The following ZNF383 variants were observed in gnomAD, a reference collection of about 807,000 sequenced individuals.
ZNF383 encodes the protein zinc finger protein 383.
ZNF383 carries 32 observed loss-of-function variants against 44.2 expected under a neutral mutation model. The observed-to-expected ratio is 0.72, with a 90% CI of 0.55 to 0.97. The LOEUF (loss-of-function observed/expected upper bound fraction) is 0.97, where lower values mean the gene tolerates loss of function less well. Ranked by LOEUF, ZNF383 falls within the 50% of genes least tolerant of loss-of-function variation. The pLI is 0.00. For missense variants in ZNF383, 487 were observed against 562.5 expected (o/e 0.87, Z 1.36); for synonymous variants, 155 against 186.2 (o/e 0.83, Z 1.36).
intron 2 of ZNF383, among the ~76,000 whole-genome samples, chr19:37,229,374 G>A (rs1026696718): frequency 6.7e-6 from 1 of 149,002 alleles, no homozygotes; most frequent in Non-Finnish European, 1.5e-5. Context: ...GATCAGGCTG[G>A]TCTCGAACTC....
intron 2 of ZNF383, among the ~76,000 whole-genome samples, chr19:37,229,880 T>C (rs1446065627): frequency 6.9e-6 from 1 of 145,118 alleles, no homozygotes; most frequent in Non-Finnish European, 1.5e-5. Context: ...TGGATGCGGG[T>C]GTTGTGTGTG....
rs1387987046 is a variant in ZNF383 at position 37,243,082 on chromosome 19, T to C, written c.846T>C (p.Tyr282=). The change falls in exon 6 of 6, where the codon TAT becomes TAC. Residue 282 remains tyrosine, a synonymous_variant. Transcript: ENST00000684119. ...HQRIHTGEKP[Y]ECKVCGKAFT... is the part of the protein sequence containing the mutation. ...GAATTCACACTGGTGAAAAACCTTA[T>C]GAATGTAAAGTATGTGGGAAAGCCT... is the stretch of plus-strand genomic sequence containing the variant. 2 of 1,614,094 alleles carry C rather than the reference T, an allele frequency of 1.2e-6. No homozygotes were observed. Among genetic ancestry groups the C allele is most frequent in the Admixed American group, 1.7e-5 (1 of 60,004 alleles).
chr19:37,242,055 T>TATATTATCTATACTATATATAGTATAG (rs1555784686), intron 5 of ZNF383, among the ~76,000 whole-genome samples: 2 of 66,796 alleles, frequency 3.0e-5, no homozygotes, highest in Non-Finnish European at 5.6e-5. Flanking sequence ...AGATACTATA[T>TATATTATCTATACTATATATAGTATAG]ATACTATATA....
rs1169216375 is a variant in ZNF383 at position 37,238,194 on chromosome 19, G to C, written c.232+2120G>C. ...TCTTAATACTATCACATTGGCAACAGCTGAATTTTGAAGGAGAGACATTCA... is the reference window on the plus strand; with the variant it reads ...TCTTAATACTATCACATTGGCAACACCTGAATTTTGAAGGAGAGACATTCA... On this transcript the variant is annotated intron_variant, in intron 5 of 5. Transcript: ENST00000684119. 2.0e-5 allele frequency among the ~76,000 whole-genome samples: 3 copies of C among 151,882 alleles called. No homozygotes were observed. The East Asian group carries it at 5.8e-4, about 29-fold the overall frequency.
intron 2 of ZNF383, among the ~76,000 whole-genome samples, chr19:37,228,453 C>A (rs1973291854): frequency 6.6e-6 from 1 of 151,098 alleles, no homozygotes. Flanking sequence ...TTTAGTATAA[C>A]TATTTTTATT....
At chr19:37,232,533 A>G (rs1003219663) in intron 3 of ZNF383, among the ~76,000 whole-genome samples, 2 of 152,218 alleles carry the variant, frequency 1.3e-5, no homozygotes, top group Non-Finnish European at 2.9e-5. Flanking sequence ...TAGGATGCAC[A>G]TCGTATCTGG....
chr19:37,236,954 A>AAAAC (rs1973833591), intron 5 of ZNF383, among the ~76,000 whole-genome samples: 1 of 146,758 alleles, frequency 6.8e-6, no homozygotes. Flanking sequence ...CACACATGTG[A>AAAAC]ACACACACAC....
At chr19:37,218,693 G>A (rs1018388041) in intron 1 of ZNF383, among the ~76,000 whole-genome samples, 4 of 152,132 alleles carry the variant, frequency 2.6e-5, no homozygotes, top group African/African-American at 9.7e-5. Context: ...TGTACTGGAT[G>A]CCTTACTGAG....
Position 37,243,715 on chromosome 19 carries a change from G to A in ZNF383, c.*51G>A. 8.0e-7 allele frequency: 1 copy of A among 1,249,038 alleles called. No individual in the cohort carries two copies. Among genetic ancestry groups the A allele is most frequent in the Non-Finnish European group, 1.1e-6 (1 of 910,018 alleles). 77.4% of individuals were successfully genotyped at this position (1,249,038 alleles called of 1,614,324 possible). A position where few individuals can be genotyped will look rare whatever the true frequency, so the allele number is the denominator to read the frequency against. On this transcript the variant is annotated 3_prime_UTR_variant, in exon 6 of 6. Transcript: ENST00000684119. ...CCTCATATTTTAAACCAAAAATCATGTCTAATAGTTACCCTCTTCCGTAGT... is the reference window on the plus strand; with the variant it reads ...CCTCATATTTTAAACCAAAAATCATATCTAATAGTTACCCTCTTCCGTAGT...
intron 1 of ZNF383, among the ~76,000 whole-genome samples, chr19:37,220,355 C>T (rs1277589659): frequency 1.3e-5 from 2 of 152,186 alleles, no homozygotes; most frequent in African/African-American, 2.4e-5. Flanking sequence ...CCTCCCGCCT[C>T]CCGAGTTCAA....
intron 5 of ZNF383, 84 bp from the exon 6 acceptor site, chr19:37,242,381 TCTTA>T (rs1467774176): frequency 9.6e-6 from 8 of 837,288 alleles, no homozygotes; most frequent in Admixed American, 2.8e-5. Flanking sequence ...TAGATACTAT[TCTTA>T]CTTTAATTTT....
intron 2 of ZNF383, among the ~76,000 whole-genome samples, chr19:37,226,876 T>G (rs1973190971): frequency 6.6e-6 from 1 of 152,150 alleles, no homozygotes; most frequent in Admixed American, 6.5e-5. Flanking sequence ...TAGAATGCAG[T>G]GGTACGATCT....
intron 4 of ZNF383, 31 bp downstream of exon 4, chr19:37,235,706 T>C (rs769773165): frequency 3.8e-6 from 6 of 1,559,532 alleles, no homozygotes; most frequent in Non-Finnish European, 5.2e-6. Flanking sequence ...GATTCCCAGT[T>C]CTCCTCTGGA....
chr19:37,234,546 C>T (rs934235366), intron 3 of ZNF383, among the ~76,000 whole-genome samples: 2 of 152,150 alleles, frequency 1.3e-5, no homozygotes, highest in East Asian at 1.9e-4. Context: ...CCCGCCACCA[C>T]GCCTGGCTAA....
intron 2 of ZNF383, among the ~76,000 whole-genome samples, chr19:37,227,303 G>A (rs1037532168): frequency 3.3e-5 from 5 of 150,456 alleles, no homozygotes; most frequent in African/African-American, 7.3e-5. Flanking sequence ...TAGTAGAGAC[G>A]GGGTTTCTCT....
intron 2 of ZNF383, among the ~76,000 whole-genome samples, chr19:37,229,688 GTA>G (rs529013141): frequency 0.016 from 1,815 of 117,002 alleles, 35 homozygotes; most frequent in African/African-American, 0.062. Flanking sequence ...ATATGTGTGT[GTA>G]TATATATGTA....
chr19:37,242,055 T>TAGTATATATATAGTATAG (rs1555784687), intron 5 of ZNF383, among the ~76,000 whole-genome samples: 1 of 66,796 alleles, frequency 1.5e-5, no homozygotes, highest in Non-Finnish European at 2.8e-5. Flanking sequence ...AGATACTATA[T>TAGTATATATATAGTATAG]ATACTATATA....
chr19:37,219,934 G>A (rs759324335), intron 1 of ZNF383, among the ~76,000 whole-genome samples: 1 of 152,014 alleles, frequency 6.6e-6, no homozygotes. Context: ...TTAGAAAATA[G>A]AACAGTTTTC....
chr19:37,236,988 CACACACAGAG>C (rs1392065570), intron 5 of ZNF383, among the ~76,000 whole-genome samples: 2 of 149,110 alleles, frequency 1.3e-5, no homozygotes, highest in African/African-American at 2.5e-5. Flanking sequence ...CACACACACA[CACACACAGAG>C]ACACACACAC....
Sources: gnomAD v4.1 joint callset for allele counts (sites outside exome capture counted in the v4.1 genomes callset) on GRCh38, gnomAD v4.1.1 for gene constraint, MANE v1.5 for transcripts, NCBI Gene and HGNC (gene_info 2026-07-23, HGNC 2026-07-21) for gene names.